Variants in KIAA0825 observed in about 807,000 individuals in gnomAD.
KIAA0825 encodes uncharacterized protein KIAA0825.
Under a neutral mutation model 147.6 loss-of-function variants are expected in KIAA0825, and 119 were observed. The ratio of observed to expected loss-of-function variants is 0.81; its 90% CI spans 0.69 to 0.94. The LOEUF is 0.94. KIAA0825 is among the 40% of genes least tolerant of loss of function. The pLI is 0.00. For synonymous variants in KIAA0825, 470 were observed against 518.1 expected (o/e 0.91, Z 1.26); for missense variants, 1,381 against 1,472.7 (o/e 0.94, Z 1.02).
At chr5:94,363,174 C>CTTT (rs70978103) in intron 20 of KIAA0825, among the ~76,000 whole-genome samples, 5 of 135,140 alleles carry the variant, frequency 3.7e-5, no homozygotes, top group East Asian at 2.2e-4. Flanking sequence ...AACCAGTTTT[C>CTTT]TTTTTTTTTT....
At chr5:94,472,228 C>A (rs1259545156) in intron 8 of KIAA0825, among the ~76,000 whole-genome samples, 1 of 152,112 alleles carries the variant, frequency 6.6e-6, no homozygotes, top group African/African-American at 2.4e-5. Context: ...CATGTAGCAT[C>A]TTCTTATTGG....
At chr5:94,164,647 G>A (rs766987447) in intron 20 of KIAA0825, among the ~76,000 whole-genome samples, 1 of 152,118 alleles carries the variant, frequency 6.6e-6, no homozygotes, top group Admixed American at 6.6e-5. Context: ...TCCTGACCTC[G>A]TGATCTGCCT....
chr5:94,205,837 C>T (rs1019208301), intron 20 of KIAA0825, among the ~76,000 whole-genome samples: 1 of 152,066 alleles, frequency 6.6e-6, no homozygotes, highest in Non-Finnish European at 1.5e-5. Context: ...GCTAGGATGC[C>T]CATATAATTT....
intron 20 of KIAA0825, among the ~76,000 whole-genome samples, chr5:94,344,024 TA>T (rs529815518): frequency 2.4e-4 from 37 of 152,294 alleles, no homozygotes; most frequent in Non-Finnish European, 4.0e-4. Flanking sequence ...TGTAAACTAG[TA>T]AAACAACTTT....
chr5:94,333,856 A>G (rs1584150673), intron 20 of KIAA0825, among the ~76,000 whole-genome samples: 1 of 152,172 alleles, frequency 6.6e-6, no homozygotes, highest in Non-Finnish European at 1.5e-5. Flanking sequence ...CACAATTGCT[A>G]CAAAGAGAAT....
At chr5:94,609,992 G>C (rs1788387940) in intron 1 of KIAA0825, among the ~76,000 whole-genome samples, 1 of 152,290 alleles carries the variant, frequency 6.6e-6, no homozygotes, top group Non-Finnish European at 1.5e-5. Flanking sequence ...ATATATGCTA[G>C]AGAAGGAAAG....
At chr5:94,291,968 T>C (rs1777917700) in intron 20 of KIAA0825, among the ~76,000 whole-genome samples, 1 of 152,224 alleles carries the variant, frequency 6.6e-6, no homozygotes, top group Non-Finnish European at 1.5e-5. Flanking sequence ...TTTTGTATCC[T>C]GAAACTGTGC....
chr5:94,317,912 C>T (rs1562373973), intron 20 of KIAA0825, among the ~76,000 whole-genome samples: 1 of 151,366 alleles, frequency 6.6e-6, no homozygotes, highest in Non-Finnish European at 1.5e-5. Context: ...CTTACAATGC[C>T]TCATGTTAAA....
At chr5:94,275,393 T>C (rs980641438) in intron 20 of KIAA0825, among the ~76,000 whole-genome samples, 1 of 152,152 alleles carries the variant, frequency 6.6e-6, no homozygotes, top group Non-Finnish European at 1.5e-5. Flanking sequence ...CATAAAGTAA[T>C]ATAGTTTCTC....
chr5:94,191,622 AGTT>A (rs1238417427), intron 20 of KIAA0825, among the ~76,000 whole-genome samples: 1 of 152,226 alleles, frequency 6.6e-6, no homozygotes, highest in African/African-American at 2.4e-5. Flanking sequence ...AAACAAAAAA[AGTT>A]GTATAAAAGA....
intron 14 of KIAA0825, among the ~76,000 whole-genome samples, chr5:94,435,367 T>C (rs563989804): frequency 7.0e-4 from 103 of 148,072 alleles, no homozygotes; most frequent in Non-Finnish European, 1.2e-3. Context: ...CTCACATTTA[T>C]AAGTGAGAAC....
chr5:94,562,427 C>T (rs143512130), intron 2 of KIAA0825, among the ~76,000 whole-genome samples: 37 of 152,318 alleles, frequency 2.4e-4, no homozygotes, highest in African/African-American at 8.7e-4. Context: ...ACATAGTCAT[C>T]ATGATCCAAG....
At chr5:94,245,205 T>C (rs1047377510) in intron 20 of KIAA0825, among the ~76,000 whole-genome samples, 2 of 152,214 alleles carry the variant, frequency 1.3e-5, no homozygotes, top group African/African-American at 4.8e-5. Flanking sequence ...ATTCTAGATA[T>C]GTATTTCAAG....
intron 20 of KIAA0825, among the ~76,000 whole-genome samples, chr5:94,194,441 T>C (rs771101312): frequency 4.6e-5 from 7 of 152,232 alleles, no homozygotes; most frequent in African/African-American, 7.2e-5. Flanking sequence ...GACCCCCAAA[T>C]AGTAGTCTCT....
intron 3 of KIAA0825, among the ~76,000 whole-genome samples, chr5:94,526,947 A>G (rs777106412): frequency 2.6e-5 from 4 of 151,968 alleles, no homozygotes; most frequent in Non-Finnish European, 5.9e-5. Context: ...GAGGTGTAAA[A>G]AGGTTTTTCC....
At chr5:94,231,422 G>A (rs182493465) in intron 20 of KIAA0825, among the ~76,000 whole-genome samples, 47 of 152,126 alleles carry the variant, frequency 3.1e-4, no homozygotes, top group African/African-American at 8.9e-4. Flanking sequence ...CTGAAATACT[G>A]CACCCTGTTT....
chr5:94,270,732 G>A (rs1042965948), intron 20 of KIAA0825, among the ~76,000 whole-genome samples: 8 of 152,062 alleles, frequency 5.3e-5, no homozygotes, highest in African/African-American at 1.9e-4. Context: ...ATTTTACTAT[G>A]ACTCAATAGT....
At chr5:94,574,543 C>CAAAAAAAAAAAAAAAAAAAAAAAAA (rs1181241238) in intron 2 of KIAA0825, among the ~76,000 whole-genome samples, 1 of 65,530 alleles carries the variant, frequency 1.5e-5, no homozygotes, top group Admixed American at 2.3e-4. Flanking sequence ...GACTCCATCT[C>CAAAAAAAAAAAAAAAAAAAAAAAAA]AAAAAAAAAA....
At chr5:94,387,454 G>A (rs2150540715) in intron 18 of KIAA0825, among the ~76,000 whole-genome samples, 2 of 152,272 alleles carry the variant, frequency 1.3e-5, no homozygotes, top group Middle Eastern at 3.4e-3. Flanking sequence ...AGCACTTTGG[G>A]AGACCGAGGT....
Sources: gnomAD v4.1 joint callset for allele counts (sites outside exome capture counted in the v4.1 genomes callset) on GRCh38, gnomAD v4.1.1 for gene constraint, MANE v1.5 for transcripts, NCBI Gene and HGNC (gene_info 2026-07-23, HGNC 2026-07-21) for gene names.